The following SYNRG variants were observed in gnomAD, a reference collection of about 807,000 sequenced individuals.
SYNRG encodes the protein AP1 gamma subunit binding protein 1.
In SYNRG, 37 loss-of-function variants were observed where a neutral mutation model predicts 130.9. The ratio of observed to expected loss-of-function variants is 0.28; its 90% CI spans 0.22 to 0.37. The LOEUF (loss-of-function observed/expected upper bound fraction) is 0.37, where lower values mean the gene tolerates loss of function less well. SYNRG is among the 10% of genes least tolerant of loss of function. The probability of loss-of-function intolerance (pLI) is 1.00; values close to 1 mark genes in which losing one functional copy is unlikely to be tolerated. For missense variants in SYNRG, 1,338 were observed against 1,588.9 expected, an observed-to-expected ratio of 0.84 and a Z score of 2.68; for synonymous variants, 539 against 568.1, an observed-to-expected ratio of 0.95 and a Z score of 0.73.
chr17:37,587,184 T>C (rs1220212970), intron 3 of SYNRG, among the ~76,000 whole-genome samples: 1 of 152,156 alleles, frequency 6.6e-6, no homozygotes, highest in Non-Finnish European at 1.5e-5. Context: ...TCTCGTTGTG[T>C]CACCCAGGCT....
intron 11 of SYNRG, among the ~76,000 whole-genome samples, chr17:37,563,514 C>T (rs1213381502): frequency 6.6e-6 from 1 of 152,036 alleles, no homozygotes; most frequent in African/African-American, 2.4e-5. Context: ...TATATGTTAA[C>T]CCTTTGTGAA....
At chr17:37,544,824 G>A (rs934352142) in intron 14 of SYNRG, among the ~76,000 whole-genome samples, 2 of 152,138 alleles carry the variant, frequency 1.3e-5, no homozygotes, top group African/African-American at 4.8e-5. Context: ...TCAGAAAAAT[G>A]TTTCATAATA....
chr17:37,561,173 T>C, intron 13 of SYNRG, 22 bp downstream of exon 13: 2 of 1,598,986 alleles, frequency 1.3e-6, no homozygotes, highest in Non-Finnish European at 1.7e-6. Flanking sequence ...TAATTTATCC[T>C]TTTGAGGACT....
chr17:37,555,158 T>C (rs1274143418), intron 13 of SYNRG, among the ~76,000 whole-genome samples: 1 of 152,046 alleles, frequency 6.6e-6, no homozygotes, highest in Non-Finnish European at 1.5e-5. Context: ...CAGAGTTTCA[T>C]TATTGTCGCC....
At position 37,571,984 on chromosome 17, in the gene SYNRG, G is replaced by A; in HGVS notation, c.905C>T (p.Ala302Val). The A allele has an allele frequency of 6.2e-7, 1 of 1,609,282 alleles. No individual in the cohort carries two copies. Among genetic ancestry groups the A allele is most frequent in the Non-Finnish European group, 8.5e-7 (1 of 1,178,206 alleles). ...TGTGGTTTCTAAGATTTTCTTATAG[G>A]CATCTATTAAAGGAAAGACCAGATT... The part of the protein sequence containing the change: ...WIYNESLVPD[A>V]YKKILETTMT... Residue 302 changes from alanine (A) to valine (V), a missense_variant, in exon 9 of 22, where the codon GCC (alanine) becomes GTC (valine). By Grantham distance (64) the Ala-to-Val change is moderately conservative (BLOSUM62 0). Transcript: ENST00000612223.
At position 37,516,186 on chromosome 17, in the gene SYNRG, G is replaced by A. The variant is rs2143303490; in HGVS notation, c.*2754C>T. The A allele has an allele frequency of 6.6e-6, 1 of 152,334 alleles. No homozygotes were observed. The highest frequency in any genetic ancestry group is 1.5e-5 in the Non-Finnish European group (1 of 68,040). 9.4% of individuals were successfully genotyped at this position (152,334 alleles called of 1,614,324 possible). On this transcript the variant is annotated 3_prime_UTR_variant, in exon 22 of 22. Coordinates refer to ENST00000612223, the MANE Select transcript of SYNRG (RefSeq NM_007247.6). ...GACACAATGCACAGTATGGAAATAA[G>A]TAACCTTGGCTACAGTTTCCAAGGA...
At position 37,553,293 on chromosome 17, in the gene SYNRG, C is replaced by A; in HGVS notation, c.2430G>T (p.Val810=). 1 of 1,614,048 alleles carries A rather than the reference C, an allele frequency of 6.2e-7. No homozygotes were observed. Among genetic ancestry groups the A allele is most frequent in the Non-Finnish European group, 8.5e-7 (1 of 1,179,992 alleles). ...CAATGGAAGGGAGATCTAAGGACTT[C>A]ACTGATGCAGAGTCTTCTTTGGTGT... ...FRHTKEDSAS[V]KSLDLPSIGG... The change falls in exon 14 of 22, where the codon GTG becomes GTT. Residue 810 remains valine (V), a synonymous_variant. Transcript: ENST00000612223.
chr17:37,602,252 A>C (rs1357837297), intron 1 of SYNRG, among the ~76,000 whole-genome samples: 1 of 151,546 alleles, frequency 6.6e-6, no homozygotes, highest in Non-Finnish European at 1.5e-5. Flanking sequence ...CAGGAGAATC[A>C]CTTGAACCCA....
chr17:37,525,434 C>T (rs2143985422), intron 19 of SYNRG, among the ~76,000 whole-genome samples: 1 of 152,338 alleles, frequency 6.6e-6, no homozygotes, highest in African/African-American at 2.4e-5. Context: ...GTGTTCTTCA[C>T]CAATAATCTT....
chr17:37,566,807 C>G (rs1302217233), intron 11 of SYNRG: 1 of 152,172 alleles, frequency 6.6e-6, no homozygotes, highest in Non-Finnish European at 1.5e-5. Context: ...AAATAAACCA[C>G]CCATTTGATA....
chr17:37,576,450 G>A, intron 7 of SYNRG, 32 bp from the exon 8 acceptor site: 1 of 1,583,578 alleles, frequency 6.3e-7, no homozygotes, highest in Non-Finnish European at 8.6e-7. Context: ...TGTATATAGT[G>A]GTCCATGGAG....
In SYNRG at chr17:37,559,151, C is replaced by A. The variant is rs138415900; in HGVS notation, c.1663+2044G>T. 6.6e-5 allele frequency among the ~76,000 whole-genome samples: 10 copies of A among 152,276 alleles called. No individual in the cohort carries two copies. The East Asian group carries it at 1.9e-3, about 29-fold the overall frequency. On this transcript the variant is annotated intron_variant, in intron 13 of 21. Transcript: ENST00000612223. ...CTCTGCTGGAAGAGTAGAATCAAAT[C>A]TTATATAATGCCTTTTTAATTGTAC...
At chr17:37,594,509 C>T (rs1156408781) in intron 3 of SYNRG, among the ~76,000 whole-genome samples, 1 of 143,988 alleles carries the variant, frequency 6.9e-6, no homozygotes, top group East Asian at 2.1e-4. Context: ...GTCGCCCAGG[C>T]GGGAGTGCAG....
chr17:37,528,965 T>C (rs1203742305), intron 19 of SYNRG, among the ~76,000 whole-genome samples: 2 of 152,200 alleles, frequency 1.3e-5, no homozygotes, highest in Admixed American at 6.5e-5. Flanking sequence ...ACATGGGTAA[T>C]TAGAGAAATG....
At chr17:37,574,195 G>C (rs561420808) in intron 8 of SYNRG, among the ~76,000 whole-genome samples, 1 of 152,030 alleles carries the variant, frequency 6.6e-6, no homozygotes, top group Non-Finnish European at 1.5e-5. Flanking sequence ...GGAAAAACTG[G>C]ATCTCCATAT....
At chr17:37,596,602 C>G (rs2062794832) in intron 2 of SYNRG, among the ~76,000 whole-genome samples, 1 of 152,106 alleles carries the variant, frequency 6.6e-6, no homozygotes, top group Admixed American at 6.6e-5. Flanking sequence ...TATTAAAAAA[C>G]AGTATGGCCT....
chr17:37,579,794 T>C (rs2061144740), intron 6 of SYNRG, among the ~76,000 whole-genome samples: 1 of 152,202 alleles, frequency 6.6e-6, no homozygotes, highest in African/African-American at 2.4e-5. Context: ...CATAGCAGCC[T>C]GAAACTCGTG....
At chr17:37,595,674 A>C (rs1356699408) in intron 3 of SYNRG, among the ~76,000 whole-genome samples, 1 of 152,164 alleles carries the variant, frequency 6.6e-6, no homozygotes, top group African/African-American at 2.4e-5. Flanking sequence ...TAAGTAAAGT[A>C]TTAGGTAAAA....
Position 37,573,395 on chromosome 17 carries a change from C to T in SYNRG, c.902-1408G>A, listed in dbSNP as rs531173788. 1.1e-4 allele frequency among the ~76,000 whole-genome samples: 16 copies of T among 151,968 alleles called. No individual in the cohort carries two copies. In the East Asian group the frequency reaches 1.5e-3, roughly 15 times the overall value. On this transcript the variant is annotated intron_variant, in intron 8 of 21. Coordinates refer to ENST00000612223, the MANE Select transcript of SYNRG (RefSeq NM_007247.6). ...TCCAGCCTGGGTGACAGACTGGTTC[C>T]GTCTCAAAAACAAACAAACAAACAA...
Sources: allele counts gnomAD v4.1 joint callset (sites outside exome capture counted in the v4.1 genomes callset), GRCh38; gene constraint gnomAD v4.1.1; transcripts MANE v1.5; gene names NCBI Gene and HGNC (gene_info 2026-07-23, HGNC 2026-07-21).